Variants in ARHGAP15 observed in about 807,000 individuals in gnomAD.
The protein encoded by ARHGAP15 is Rho GTPase activating protein 15.
Under a neutral mutation model 63.7 loss-of-function variants are expected in ARHGAP15, and 51 were observed. The observed-to-expected ratio is 0.80, with a 90% CI of 0.64 to 1.01. ARHGAP15 has a LOEUF of 1.01. ARHGAP15 is among the 50% of genes least tolerant of loss of function. The probability of loss-of-function intolerance (pLI) is 0.00; values close to 1 mark genes in which losing one functional copy is unlikely to be tolerated. For synonymous variants in ARHGAP15, 191 were observed against 193.8 expected (o/e 0.99, Z 0.12); for missense variants, 560 against 564.6 (o/e 0.99, Z 0.08).
At chr2:143,750,411 G>C (rs927952886) in intron 13 of ARHGAP15, among the ~76,000 whole-genome samples, 1 of 152,122 alleles carries the variant, frequency 6.6e-6, no homozygotes, top group Non-Finnish European at 1.5e-5. Context: ...ATTGCACTCC[G>C]GCACAGGCAG....
intron 5 of ARHGAP15, among the ~76,000 whole-genome samples, chr2:143,240,314 A>G (rs1474691646): frequency 1.3e-5 from 2 of 152,334 alleles, no homozygotes; most frequent in South Asian, 2.1e-4. Context: ...TCACTGTAGT[A>G]TGACTTTAAC....
intron 10 of ARHGAP15, among the ~76,000 whole-genome samples, chr2:143,545,621 T>C (rs1045313750): frequency 8.5e-5 from 13 of 152,208 alleles, no homozygotes; most frequent in South Asian, 6.2e-4. Context: ...ATAATCCCCA[T>C]TGATTTTTAA....
chr2:143,152,033 AC>A (rs1462452468), intron 1 of ARHGAP15, among the ~76,000 whole-genome samples: 2 of 151,924 alleles, frequency 1.3e-5, no homozygotes, highest in East Asian at 3.9e-4. Flanking sequence ...CCACAAAAAA[AC>A]ATTGTGTGTT....
chr2:143,356,224 G>A (rs890017878), intron 6 of ARHGAP15, among the ~76,000 whole-genome samples: 44 of 152,090 alleles, frequency 2.9e-4, no homozygotes, highest in Non-Finnish European at 1.9e-4. Flanking sequence ...CCATTCAGTC[G>A]TCAAAACATG....
chr2:143,195,841 G>A (rs1353211762), intron 2 of ARHGAP15, among the ~76,000 whole-genome samples: 2 of 152,130 alleles, frequency 1.3e-5, no homozygotes, highest in Non-Finnish European at 2.9e-5. Flanking sequence ...TATGAGGAAT[G>A]TTTCATGTTT....
rs1390931914 is a variant in ARHGAP15 at position 143,397,658 on chromosome 2, C to CG, written c.475-37943_475-37942insG. Among the ~76,000 whole-genome samples, 683 of 151,980 alleles carry CG rather than the reference C, an allele frequency of 4.5e-3. 7 individuals are homozygous for CG. The highest frequency in any genetic ancestry group is 0.016 in the African/African-American group (653 of 41,470). Reference sequence around the variant, plus strand: ...TTTCATAAATAGCAATTTAACAAAACCTAACACTTTAATGTGACAAAACCA... The same window carrying CG: ...TTTCATAAATAGCAATTTAACAAAACGCTAACACTTTAATGTGACAAAACCA... On this transcript the variant is annotated intron_variant, in intron 6 of 13. Transcript: ENST00000295095.
intron 12 of ARHGAP15, among the ~76,000 whole-genome samples, chr2:143,690,438 C>T (rs2105391885): frequency 6.6e-6 from 1 of 152,244 alleles, no homozygotes; most frequent in South Asian, 2.1e-4. Context: ...GGGGTGTGAC[C>T]TCTGCCTATG....
chr2:143,658,909 G>A (rs745952963), intron 12 of ARHGAP15, among the ~76,000 whole-genome samples: 1 of 152,260 alleles, frequency 6.6e-6, no homozygotes, highest in Non-Finnish European at 1.5e-5. Flanking sequence ...GACTGAGTTC[G>A]GCTAATGATG....
intron 12 of ARHGAP15, among the ~76,000 whole-genome samples, chr2:143,631,437 GT>G (rs1699067072): frequency 6.6e-6 from 1 of 151,986 alleles, no homozygotes; most frequent in Non-Finnish European, 1.5e-5. Context: ...TTCAATTCCC[GT>G]CAACAGTATA....
At chr2:143,645,980 C>T (rs1051646468) in intron 12 of ARHGAP15, among the ~76,000 whole-genome samples, 1 of 152,056 alleles carries the variant, frequency 6.6e-6, no homozygotes, top group African/African-American at 2.4e-5. Flanking sequence ...TCCCAGATAG[C>T]TATTCTGGCA....
intron 6 of ARHGAP15, among the ~76,000 whole-genome samples, chr2:143,274,743 A>T (rs1255722062): frequency 6.6e-6 from 1 of 152,240 alleles, no homozygotes; most frequent in Non-Finnish European, 1.5e-5. Flanking sequence ...TCAGAATTTC[A>T]TAACGACATT....
At chr2:143,754,110 T>C (rs1574930156) in intron 13 of ARHGAP15, among the ~76,000 whole-genome samples, 1 of 152,174 alleles carries the variant, frequency 6.6e-6, no homozygotes, top group South Asian at 2.1e-4. Context: ...CAGTTAAGAC[T>C]GTCTTCCAGA....
At chr2:143,428,515 G>A (rs777360174) in intron 6 of ARHGAP15, among the ~76,000 whole-genome samples, 3 of 151,908 alleles carry the variant, frequency 2.0e-5, no homozygotes, top group Non-Finnish European at 4.4e-5. Context: ...AAACATGGAT[G>A]AGACAGTGAG....
chr2:143,307,881 C>T (rs1193764938), intron 6 of ARHGAP15, among the ~76,000 whole-genome samples: 2 of 152,130 alleles, frequency 1.3e-5, no homozygotes, highest in African/African-American at 2.4e-5. Context: ...AATGAGGCAT[C>T]ACTGCATTTA....
chr2:143,642,697 A>G (rs1324054078), intron 12 of ARHGAP15, among the ~76,000 whole-genome samples: 1 of 152,144 alleles, frequency 6.6e-6, no homozygotes, highest in African/African-American at 2.4e-5. Context: ...ACAATGAATG[A>G]TGAAGACAAT....
chr2:143,424,513 G>A (rs908540526), intron 6 of ARHGAP15, among the ~76,000 whole-genome samples: 5 of 152,016 alleles, frequency 3.3e-5, no homozygotes, highest in African/African-American at 1.2e-4. Context: ...ATTCCACAGA[G>A]AGGGCATAGG....
intron 6 of ARHGAP15, among the ~76,000 whole-genome samples, chr2:143,316,389 T>C (rs1047548247): frequency 1.3e-5 from 2 of 151,752 alleles, no homozygotes; most frequent in African/African-American, 4.8e-5. Flanking sequence ...CAATAAAATT[T>C]GAGAAGAACT....
At chr2:143,504,499 T>G (rs1693213717) in intron 9 of ARHGAP15, among the ~76,000 whole-genome samples, 1 of 152,208 alleles carries the variant, frequency 6.6e-6, no homozygotes, top group African/African-American at 2.4e-5. Flanking sequence ...TTATCTACTT[T>G]GAGTTAATTC....
chr2:143,369,785 C>CAAAA (rs1470843063), intron 6 of ARHGAP15, among the ~76,000 whole-genome samples: 2 of 152,128 alleles, frequency 1.3e-5, no homozygotes, highest in African/African-American at 4.8e-5. Flanking sequence ...AACAACTTTT[C>CAAAA]AGAGAACGCA....
Sources: allele counts gnomAD v4.1 joint callset (sites outside exome capture counted in the v4.1 genomes callset), GRCh38; gene constraint gnomAD v4.1.1; transcripts MANE v1.5; gene names NCBI Gene and HGNC (gene_info 2026-07-23, HGNC 2026-07-21).